Variants in ACTN1 observed in about 807,000 individuals in gnomAD.
ACTN1 encodes actinin alpha 1, also known as alpha-actinin-1.
Under a neutral mutation model 119.6 loss-of-function variants are expected in ACTN1, and 30 were observed. The ratio of observed to expected loss-of-function variants is 0.25; its 90% confidence interval spans 0.19 to 0.34. The LOEUF (loss-of-function observed/expected upper bound fraction) is 0.34, where lower values mean the gene tolerates loss of function less well. Ranked by LOEUF, ACTN1 falls within the 10% of genes least tolerant of loss-of-function variation. The pLI is 1.00. For missense variants in ACTN1, 764 were observed against 1,223.4 expected (o/e 0.62, Z 5.60); for synonymous variants, 429 against 472.6 (o/e 0.91, Z 1.20).
rs575519118 is a variant in ACTN1, at chr14:68,919,133, A to T, written c.340+1873T>A. ...TAAAGAGCAAACAAGTTATTTTTTT[A>T]AATTTAGTTGCCAAATTTTTCTTTT... is the stretch of plus-strand genomic sequence containing the variant. On this transcript the variant is annotated intron_variant, in intron 3 of 21. Transcript: ENST00000394419. Among the ~76,000 whole-genome samples the T allele has an allele frequency of 2.6e-5, 4 of 152,284 alleles. No homozygotes were observed. In the East Asian group the frequency reaches 7.7e-4, roughly 29 times the overall value.
At chr14:68,964,876 A>G (rs2036655547) in intron 1 of ACTN1, among the ~76,000 whole-genome samples, 1 of 152,160 alleles carries the variant, frequency 6.6e-6, no homozygotes, top group Non-Finnish European at 1.5e-5. Context: ...CTGCAAACGC[A>G]AGAGCCAGTC....
intron 1 of ACTN1, among the ~76,000 whole-genome samples, chr14:68,962,582 A>G (rs1185228805): frequency 6.6e-6 from 1 of 152,176 alleles, no homozygotes; most frequent in African/African-American, 2.4e-5. Context: ...GACTACTTCA[A>G]CACATTTAAG....
At chr14:68,908,520 C>T (rs2140280521) in intron 6 of ACTN1, among the ~76,000 whole-genome samples, 1 of 152,332 alleles carries the variant, frequency 6.6e-6, no homozygotes, top group African/African-American at 2.4e-5. Flanking sequence ...ATTCCAACCC[C>T]AACTCCAGGT....
intron 21 of ACTN1, 77 bp from the exon 22 acceptor site, chr14:68,875,094 C>T (rs1423225720): frequency 6.3e-7 from 1 of 1,589,080 alleles, no homozygotes; most frequent in Non-Finnish European, 8.5e-7. Context: ...AGCCGCAAAG[C>T]CTGGCGGCGT....
intron 1 of ACTN1, among the ~76,000 whole-genome samples, chr14:68,958,285 G>C (rs2036417845): frequency 1.3e-5 from 2 of 152,198 alleles, no homozygotes; most frequent in Non-Finnish European, 2.9e-5. Context: ...GTTTGAGGCA[G>C]AGGAAAATCA....
intron 1 of ACTN1, among the ~76,000 whole-genome samples, chr14:68,951,166 C>T (rs1357891184): frequency 2.0e-5 from 3 of 152,116 alleles, no homozygotes; most frequent in South Asian, 4.1e-4. Flanking sequence ...AACGGGGTGA[C>T]GGGCAGGCTC....
chr14:68,975,410 C>T (rs1334012135), intron 1 of ACTN1, among the ~76,000 whole-genome samples: 1 of 152,134 alleles, frequency 6.6e-6, no homozygotes, highest in Non-Finnish European at 1.5e-5. Flanking sequence ...CTGCTCGCAT[C>T]AAGCCAGCAA....
intron 8 of ACTN1, among the ~76,000 whole-genome samples, chr14:68,899,038 CAT>C (rs202174819): frequency 0.042 from 5,604 of 132,736 alleles, 408 homozygotes; most frequent in African/African-American, 0.16. Flanking sequence ...CACACACACA[CAT>C]GCCACACCTC....
intron 2 of ACTN1, among the ~76,000 whole-genome samples, chr14:68,924,232 C>T (rs745331061): frequency 3.3e-5 from 5 of 152,170 alleles, no homozygotes; most frequent in Non-Finnish European, 7.3e-5. Context: ...CTTAATACCG[C>T]TGAACTGCAC....
chr14:68,911,854 C>G (rs1208839664), intron 4 of ACTN1, among the ~76,000 whole-genome samples: 1 of 152,208 alleles, frequency 6.6e-6, no homozygotes, highest in Non-Finnish European at 1.5e-5. Context: ...TATTTCCCCA[C>G]CCTTTCAGAT....
At chr14:68,954,931 G>A (rs1298757096) in intron 1 of ACTN1, among the ~76,000 whole-genome samples, 1 of 152,178 alleles carries the variant, frequency 6.6e-6, no homozygotes, top group Non-Finnish European at 1.5e-5. Context: ...AAGTGTCCTG[G>A]AGATCCTTTT....
chr14:68,895,150 A>C (rs1019503517), intron 8 of ACTN1, among the ~76,000 whole-genome samples: 4 of 152,096 alleles, frequency 2.6e-5, no homozygotes, highest in African/African-American at 9.7e-5. Context: ...AGAACCAATA[A>C]GGAGAAGGTG....
At chr14:68,932,398 T>A (rs901203997) in intron 1 of ACTN1, among the ~76,000 whole-genome samples, 16 of 151,674 alleles carry the variant, frequency 1.1e-4, no homozygotes, top group African/African-American at 3.6e-4. Context: ...GATGGCCTAC[T>A]GTGGGAGCTC....
At chr14:68,893,026 G>A (rs772777248) in intron 9 of ACTN1, among the ~76,000 whole-genome samples, 3 of 152,138 alleles carry the variant, frequency 2.0e-5, no homozygotes, top group Non-Finnish European at 4.4e-5. Context: ...TGGCTGGAAT[G>A]GCAGAAATTT....
At chr14:68,958,617 T>A (rs928351872) in intron 1 of ACTN1, among the ~76,000 whole-genome samples, 8 of 151,882 alleles carry the variant, frequency 5.3e-5, no homozygotes, top group African/African-American at 1.7e-4. Flanking sequence ...CCGAGTATGA[T>A]CAAAAAACCC....
chr14:68,895,682 G>A (rs1010248004), intron 8 of ACTN1, among the ~76,000 whole-genome samples: 1 of 152,242 alleles, frequency 6.6e-6, no homozygotes, highest in Admixed American at 6.5e-5. Flanking sequence ...AACTGCGGCT[G>A]TGATTTTCAT....
At chr14:68,933,164 C>T (rs2035311006) in intron 1 of ACTN1, among the ~76,000 whole-genome samples, 1 of 151,870 alleles carries the variant, frequency 6.6e-6, no homozygotes, top group Admixed American at 6.6e-5. Flanking sequence ...CGATGTATCT[C>T]GCTCTGTCGC....
intron 8 of ACTN1, among the ~76,000 whole-genome samples, chr14:68,895,643 T>C (rs186952471): frequency 6.6e-6 from 1 of 152,320 alleles, no homozygotes; most frequent in Admixed American, 6.5e-5. Context: ...CTGAAACCCC[T>C]TGGCAGCTAC....
In ACTN1 at chr14:68,975,313, G is replaced by A. The variant is rs144495300; in HGVS notation, c.105+3639C>T. On this transcript the variant is annotated intron_variant, in intron 1 of 21. Coordinates refer to ENST00000394419, the MANE Select transcript of ACTN1 (RefSeq NM_001130004.2). ...TAAAAGGCCACAGGCTGGCACCTGT[G>A]GAAACACACATTAAACCATAATCTC... 4.1e-3 allele frequency among the ~76,000 whole-genome samples: 621 copies of A among 152,282 alleles called. 1 individual carries two copies. The highest frequency in any genetic ancestry group is 0.014 in the African/African-American group (575 of 41,540).
Sources: allele counts gnomAD v4.1 joint callset (sites outside exome capture counted in the v4.1 genomes callset), GRCh38; gene constraint gnomAD v4.1.1; transcripts MANE v1.5; gene names NCBI Gene and HGNC (gene_info 2026-07-23, HGNC 2026-07-21).